Variants in IGSF21 observed in about 807,000 individuals in gnomAD.
IGSF21 encodes the protein immunoglobin superfamily member 21, also known as immunoglobulin superfamily member 21.
A neutral mutation model predicts 46.8 loss-of-function variants in IGSF21; 28 were observed. The ratio of observed to expected loss-of-function variants is 0.60; its 90% confidence interval spans 0.44 to 0.82. The LOEUF (loss-of-function observed/expected upper bound fraction) is 0.82. IGSF21 is among the 40% of genes least tolerant of loss of function. IGSF21 has a pLI of 0.00. For missense variants in IGSF21, 624 were observed against 665.5 expected, an observed-to-expected ratio of 0.94 and a Z score of 0.69; for synonymous variants, 284 against 273.6, an observed-to-expected ratio of 1.04 and a Z score of -0.38.
chr1:18,117,341 T>C (rs1323181763), intron 1 of IGSF21, among the ~76,000 whole-genome samples: 1 of 152,164 alleles, frequency 6.6e-6, no homozygotes, highest in Non-Finnish European at 1.5e-5. Flanking sequence ...AGTGTGTACC[T>C]TGGGCTTGAC....
At position 18,271,181 on chromosome 1, in the gene IGSF21, G is replaced by A. The variant is rs150994367; in HGVS notation, c.184-20685G>A. On this transcript the variant is annotated intron_variant, in intron 2 of 9. Coordinates refer to ENST00000251296, the MANE Select transcript of IGSF21 (RefSeq NM_032880.5). ...CTGCTGCTTACATGACTCTGAGGAT[G>A]GAGAGCTCACCACCCACCGTAGACA... 1.6e-3 allele frequency among the ~76,000 whole-genome samples: 245 copies of A among 152,220 alleles called. 1 individual carries two copies. The highest frequency in any genetic ancestry group is 4.9e-3 in the African/African-American group (202 of 41,544).
intron 6 of IGSF21, among the ~76,000 whole-genome samples, chr1:18,370,592 T>C (rs2086215021): frequency 7.1e-6 from 1 of 140,420 alleles, no homozygotes; most frequent in Non-Finnish European, 1.6e-5. Context: ...AAATGATAAA[T>C]TGAATTTGGT....
chr1:18,142,241 A>G (rs1214203410), intron 1 of IGSF21, among the ~76,000 whole-genome samples: 1 of 152,154 alleles, frequency 6.6e-6, no homozygotes, highest in Non-Finnish European at 1.5e-5. Flanking sequence ...CAACTACTCT[A>G]TGACTAGCAC....
At chr1:18,378,082 G>C (rs1008377577) in intron 9 of IGSF21, among the ~76,000 whole-genome samples, 174 bp from the exon 10 acceptor site, 1 of 152,220 alleles carries the variant, frequency 6.6e-6, no homozygotes, top group Non-Finnish European at 1.5e-5. Flanking sequence ...AGCAAGCCTA[G>C]TGGTAGGGGA....
intron 1 of IGSF21, among the ~76,000 whole-genome samples, chr1:18,174,670 A>G (rs752824826): frequency 1.3e-5 from 2 of 152,036 alleles, no homozygotes; most frequent in Non-Finnish European, 2.9e-5. Flanking sequence ...CCCGATTCCC[A>G]TCGCCTTCTC....
intron 1 of IGSF21, among the ~76,000 whole-genome samples, chr1:18,147,758 G>A (rs2086483022): frequency 6.6e-6 from 1 of 152,120 alleles, no homozygotes; most frequent in Admixed American, 6.5e-5. Flanking sequence ...CTTTGTGAAA[G>A]GTACTATTAT....
intron 2 of IGSF21, among the ~76,000 whole-genome samples, chr1:18,246,069 T>C (rs2084780325): frequency 6.6e-6 from 1 of 152,206 alleles, no homozygotes; most frequent in East Asian, 1.9e-4. Flanking sequence ...TTTTTGTTCT[T>C]GCATCTGGGA....
At chr1:18,228,069 G>C in intron 2 of IGSF21, 59 bp downstream of exon 2, 2 of 1,298,062 alleles carry the variant, frequency 1.5e-6, no homozygotes, top group Non-Finnish European at 2.2e-6. Context: ...GAGGTCCTCA[G>C]AGCCCTCTGG....
At chr1:18,316,486 TTGAAC>T (rs1475888446) in intron 3 of IGSF21, among the ~76,000 whole-genome samples, 3 of 152,130 alleles carry the variant, frequency 2.0e-5, no homozygotes, top group African/African-American at 7.2e-5. Flanking sequence ...CTATCCAACC[TTGAAC>T]TCTGGTGTGA....
chr1:18,279,041 C>A (rs1466146937), intron 2 of IGSF21, among the ~76,000 whole-genome samples: 3 of 152,206 alleles, frequency 2.0e-5, no homozygotes, highest in Non-Finnish European at 4.4e-5. Context: ...ACAGCACTAC[C>A]CAGACGGGCA....
In IGSF21 at chr1:18,245,830, C is replaced by T. The variant is rs192461313; in HGVS notation, c.183+17820C>T. 4.6e-5 allele frequency among the ~76,000 whole-genome samples: 7 copies of T among 152,256 alleles called. No homozygotes were observed. In the East Asian group the frequency reaches 9.7e-4, roughly 21 times the overall value. On this transcript the variant is annotated intron_variant, in intron 2 of 9. Transcript: ENST00000251296. ...AGGGGCCTTATGAGGGAATGAATCC[C>T]AGGAGGTCCCAAACCACTTAGAGTC...
At chr1:18,232,667 A>G (rs1365289545) in intron 2 of IGSF21, among the ~76,000 whole-genome samples, 3 of 152,192 alleles carry the variant, frequency 2.0e-5, no homozygotes, top group African/African-American at 4.8e-5. Flanking sequence ...TTACCTCATC[A>G]TGTCAAAATA....
In IGSF21 at chr1:18,363,990, A is replaced by C. The variant is rs575285022; in HGVS notation, c.541-1233A>C. Among the ~76,000 whole-genome samples, 4 of 152,248 alleles carry C rather than the reference A, an allele frequency of 2.6e-5. No homozygotes were observed. In the East Asian group the frequency reaches 7.7e-4, roughly 29 times the overall value. ...CCATAGACAGGTCCAGTCTCCCTAA[A>C]ATCAGGAAAGCTGTTTTTTTCTCAC... On this transcript the variant is annotated intron_variant, in intron 5 of 9. Transcript: ENST00000251296.
At chr1:18,193,018 G>C (rs187024476) in intron 1 of IGSF21, among the ~76,000 whole-genome samples, 2 of 152,034 alleles carry the variant, frequency 1.3e-5, no homozygotes, top group Non-Finnish European at 2.9e-5. Context: ...GCAGCAGGTA[G>C]CAACCCCCAA....
chr1:18,333,109 C>T (rs934192018), intron 3 of IGSF21, among the ~76,000 whole-genome samples: 2 of 152,166 alleles, frequency 1.3e-5, no homozygotes, highest in South Asian at 2.1e-4. Flanking sequence ...ATGGGTCACA[C>T]GCCCAAGAGC....
At chr1:18,274,857 C>T (rs1275978384) in intron 2 of IGSF21, among the ~76,000 whole-genome samples, 1 of 152,166 alleles carries the variant, frequency 6.6e-6, no homozygotes, top group African/African-American at 2.4e-5. Context: ...GAAACCCCAT[C>T]TCTACTAAAA....
chr1:18,342,153 G>A (rs1248307916), intron 4 of IGSF21, among the ~76,000 whole-genome samples: 1 of 151,852 alleles, frequency 6.6e-6, no homozygotes, highest in Non-Finnish European at 1.5e-5. Flanking sequence ...GAGTGCAGTG[G>A]CATGATCTCA....
intron 4 of IGSF21, among the ~76,000 whole-genome samples, chr1:18,341,530 G>A (rs1180918808): frequency 3.9e-5 from 6 of 152,146 alleles, no homozygotes; most frequent in Non-Finnish European, 8.8e-5. Context: ...GTCACCCTTC[G>A]TTGGGCACTG....
intron 1 of IGSF21, among the ~76,000 whole-genome samples, chr1:18,205,082 C>T (rs2087112422): frequency 6.7e-6 from 1 of 150,296 alleles, no homozygotes; most frequent in South Asian, 2.1e-4. Flanking sequence ...GCCACAGAGT[C>T]CTGCTAAAAA....
Sources: gnomAD v4.1 joint callset for allele counts (sites outside exome capture counted in the v4.1 genomes callset) on GRCh38, gnomAD v4.1.1 for gene constraint, MANE v1.5 for transcripts, NCBI Gene and HGNC (gene_info 2026-07-23, HGNC 2026-07-21) for gene names.